Variants in TPD52L1 observed in about 807,000 individuals in gnomAD.
The protein encoded by TPD52L1 is tumor protein D53.
TPD52L1 carries 18 observed loss-of-function variants against 28.7 expected under a neutral mutation model. The ratio of observed to expected loss-of-function variants is 0.63; its 90% confidence interval spans 0.43 to 0.93. The LOEUF is 0.93. Among genes scored for constraint, TPD52L1 ranks in the 40% least tolerant of loss-of-function variants. The probability of loss-of-function intolerance (pLI) is 0.00; values close to 1 mark genes in which losing one functional copy is unlikely to be tolerated. For synonymous variants in TPD52L1, 75 were observed against 88.8 expected (o/e 0.84, Z 0.88); for missense variants, 203 against 254.8 (o/e 0.80, Z 1.39).
intron 1 of TPD52L1, among the ~76,000 whole-genome samples, chr6:125,213,722 A>G (rs572854342): frequency 3.7e-4 from 56 of 152,066 alleles, no homozygotes; most frequent in African/African-American, 1.2e-3. Context: ...TCTGTCCAAC[A>G]CCCCTGGACC....
At chr6:125,258,995 T>C (rs1797761361) in intron 6 of TPD52L1, among the ~76,000 whole-genome samples, 1 of 152,242 alleles carries the variant, frequency 6.6e-6, no homozygotes, top group Non-Finnish European at 1.5e-5. Flanking sequence ...AATTTCTCTG[T>C]CCTTTTTTTT....
intron 1 of TPD52L1, among the ~76,000 whole-genome samples, chr6:125,172,562 CT>C (rs1267695545): frequency 9.9e-5 from 5 of 50,400 alleles, no homozygotes; most frequent in Non-Finnish European, 1.7e-4. Context: ...AATATATATA[CT>C]ATATGGCATG....
At chr6:125,239,378 T>G (rs966942470) in intron 3 of TPD52L1, among the ~76,000 whole-genome samples, 6 of 152,198 alleles carry the variant, frequency 3.9e-5, no homozygotes, top group Non-Finnish European at 8.8e-5. Context: ...GGATTCACAG[T>G]TCCACATGGC....
At position 125,172,562 on chromosome 6, in the gene TPD52L1, C is replaced by A. The variant is rs574852003; in HGVS notation, c.19+18592C>A. Among the ~76,000 whole-genome samples, 448 of 50,354 alleles carry A rather than the reference C, an allele frequency of 8.9e-3. 15 individuals are homozygous for A. The highest frequency in any genetic ancestry group is 0.027 in the Admixed American group (92 of 3,356). 33.0% of individuals were successfully genotyped at this position (50,354 alleles called of 152,430 possible). On this transcript the variant is annotated intron_variant, in intron 1 of 6. Transcript: ENST00000534000. The stretch of plus-strand genomic sequence containing the variant: ...TATATATATATATATAATATATATA[C>A]TATATGGCATGAAATTAGGTATATA...
chr6:125,188,194 A>G (rs564241412), intron 1 of TPD52L1, among the ~76,000 whole-genome samples: 1 of 152,196 alleles, frequency 6.6e-6, no homozygotes, highest in Non-Finnish European at 1.5e-5. Context: ...CAGTGACTCA[A>G]ATGGAAACTT....
At position 125,260,980 on chromosome 6, in the gene TPD52L1, A is replaced by G. The variant is rs868571340; in HGVS notation, c.487-1854A>G. 1.4e-4 allele frequency: 6 copies of G among 43,036 alleles called. 1 individual carries two copies. The highest frequency in any genetic ancestry group is 1.2e-3 in the African/African-American group (6 of 4,884). The allele number at this position is 43,036 out of a possible 1,614,324, so 2.7% of individuals were successfully genotyped here. ...AGAAAGAAAGAAAGAAAGAAAGAAA[A>G]GAAAAGAAAGAAAGAAAGAAAGAAA... On this transcript the variant is annotated intron_variant, in intron 6 of 6. Coordinates refer to ENST00000534000, the MANE Select transcript of TPD52L1 (RefSeq NM_003287.4).
intron 1 of TPD52L1, among the ~76,000 whole-genome samples, chr6:125,212,754 A>C (rs1481729728): frequency 1.3e-5 from 2 of 152,228 alleles, no homozygotes; most frequent in African/African-American, 4.8e-5. Flanking sequence ...CTGGGAGCAG[A>C]CCACAGTGAA....
At chr6:125,180,916 A>G in intron 1 of TPD52L1, among the ~76,000 whole-genome samples, 1 of 99,854 alleles carries the variant, frequency 1.0e-5, no homozygotes, top group South Asian at 2.9e-4. Flanking sequence ...AATGCTTTTC[A>G]GTATATCTGA....
rs1562210755 is a variant in TPD52L1, at chr6:125,172,133, TTTCTTTCTTTCTTTCTTTCTTTCTTTTC to T, written c.19+18166_19+18193del. On this transcript the variant is annotated intron_variant, in intron 1 of 6. Coordinates refer to ENST00000534000, the MANE Select transcript of TPD52L1 (RefSeq NM_003287.4). ...CTTTCTTTCTTTCTTTCTTTCTTTC[TTTCTTTCTTTCTTTCTTTCTTTCTTTTC>T]TTTCTTTCTTTCTTTCTTTCTTTCT... Among the ~76,000 whole-genome samples the T allele has an allele frequency of 3.2e-3, 246 of 76,440 alleles. 2 individuals are homozygous for T. The highest frequency in any genetic ancestry group is 0.018 in the Middle Eastern group (3 of 164). 50.1% of individuals were successfully genotyped at this position (76,440 alleles called of 152,430 possible). A position where few individuals can be genotyped will look rare whatever the true frequency, so the allele number is the denominator to read the frequency against.
At chr6:125,218,493 G>A (rs1046936461) in intron 1 of TPD52L1, among the ~76,000 whole-genome samples, 2 of 152,002 alleles carry the variant, frequency 1.3e-5, no homozygotes, top group Non-Finnish European at 2.9e-5. Flanking sequence ...TGTATATATC[G>A]GGAACAAATC....
At position 125,260,964 on chromosome 6, in the gene TPD52L1, GA is replaced by G. The variant is rs869148278; in HGVS notation, c.487-1867del. The G allele has an allele frequency of 4.1e-3, 187 of 45,232 alleles. 12 individuals are homozygous for G. The highest frequency in any genetic ancestry group is 0.033 in the African/African-American group (175 of 5,346). The allele number at this position is 45,232 out of a possible 1,614,324, so 2.8% of individuals were successfully genotyped here. On this transcript the variant is annotated intron_variant, in intron 6 of 6. Coordinates refer to ENST00000534000, the MANE Select transcript of TPD52L1 (RefSeq NM_003287.4). ...AGAAAGAAAGAAAGAAAGAAAGAAA[GA>G]AAGAAAGAAAGAAAAGAAAAGAAAG...
intron 1 of TPD52L1, among the ~76,000 whole-genome samples, chr6:125,210,475 G>C (rs1724359063): frequency 1.3e-5 from 2 of 152,150 alleles, no homozygotes; most frequent in Admixed American, 1.3e-4. Context: ...CCCTTCTAAG[G>C]ATCAGACAGA....
At chr6:125,161,683 A>C (rs1193817801) in intron 1 of TPD52L1, among the ~76,000 whole-genome samples, 3 of 152,182 alleles carry the variant, frequency 2.0e-5, no homozygotes, top group Non-Finnish European at 4.4e-5. Context: ...CAGAACACAC[A>C]CAGGATTTAC....
chr6:125,223,708 CAAAAAAAAA>C (rs11294390), intron 2 of TPD52L1, among the ~76,000 whole-genome samples: 2 of 71,502 alleles, frequency 2.8e-5, no homozygotes, highest in Non-Finnish European at 5.6e-5. Context: ...GATTCCATCT[CAAAAAAAAA>C]AAAAAAAAAA....
chr6:125,172,547 T>TACACACACACATAC lies in TPD52L1; in HGVS notation c.19+18578_19+18579insCACACACACATACA, dbSNP rs1582856218. Among the ~76,000 whole-genome samples, 11 of 99,468 alleles carry TACACACACACATAC rather than the reference T, an allele frequency of 1.1e-4. No homozygotes were observed. In the East Asian group the frequency reaches 2.2e-3, roughly 20 times the overall value. 65.3% of individuals were successfully genotyped at this position (99,468 alleles called of 152,430 possible). On this transcript the variant is annotated intron_variant, in intron 1 of 6. Coordinates refer to ENST00000534000, the MANE Select transcript of TPD52L1 (RefSeq NM_003287.4). The stretch of plus-strand genomic sequence containing the variant: ...ATATATATATATATATATATATATA[T>TACACACACACATAC]ATATAATATATATACTATATGGCAT...
chr6:125,257,242 C>A, intron 6 of TPD52L1, 84 bp downstream of exon 6: 1 of 1,206,072 alleles, frequency 8.3e-7, no homozygotes, highest in Non-Finnish European at 1.2e-6. Context: ...AAAGTCGAGG[C>A]AGGGCCAAGA....
At chr6:125,194,877 A>G (rs1256908215) in intron 1 of TPD52L1, among the ~76,000 whole-genome samples, 3 of 152,246 alleles carry the variant, frequency 2.0e-5, no homozygotes, top group Non-Finnish European at 4.4e-5. Context: ...AAAGGGTCAG[A>G]ATCTGACTTA....
chr6:125,257,925 T>A (rs1018551147), intron 6 of TPD52L1, among the ~76,000 whole-genome samples: 2 of 152,238 alleles, frequency 1.3e-5, no homozygotes, highest in Admixed American at 6.5e-5. Context: ...TTATCTCTAT[T>A]TTGTATACAA....
intron 1 of TPD52L1, among the ~76,000 whole-genome samples, chr6:125,160,525 A>G (rs989519753): frequency 3.3e-5 from 5 of 152,098 alleles, no homozygotes; most frequent in Non-Finnish European, 7.4e-5. Flanking sequence ...GCATCTGGTT[A>G]CAGTTAGAAT....
Sources: allele counts gnomAD v4.1 joint callset (sites outside exome capture counted in the v4.1 genomes callset), GRCh38; gene constraint gnomAD v4.1.1; transcripts MANE v1.5; gene names NCBI Gene and HGNC (gene_info 2026-07-23, HGNC 2026-07-21).